PRKCA: variants seen among roughly 807,000 people sequenced by gnomAD.
The protein encoded by PRKCA is protein kinase C alpha.
In PRKCA, 27 loss-of-function variants were observed where a neutral mutation model predicts 87.0. That is an observed-to-expected ratio of 0.31 (90% confidence interval 0.23 to 0.43). The LOEUF is 0.43. Ranked by LOEUF, PRKCA falls within the 20% of genes least tolerant of loss-of-function variation. PRKCA has a pLI of 1.00. For missense variants in PRKCA, 518 were observed against 852.3 expected, an observed-to-expected ratio of 0.61 and a Z score of 4.88; for synonymous variants, 329 against 311.1, an observed-to-expected ratio of 1.06 and a Z score of -0.61.
chr17:66,721,395 CAAAAAAAA>C (rs55795871), intron 8 of PRKCA, among the ~76,000 whole-genome samples: 1 of 98,258 alleles, frequency 1.0e-5, no homozygotes, highest in Non-Finnish European at 2.2e-5. Flanking sequence ...GATTCCGTCT[CAAAAAAAA>C]AAAAAAAAAA....
At chr17:66,694,264 C>T (rs1275195719) in intron 8 of PRKCA, among the ~76,000 whole-genome samples, 3 of 151,842 alleles carry the variant, frequency 2.0e-5, no homozygotes, top group Admixed American at 6.6e-5. Context: ...TGCTGGATCA[C>T]GAGGTCAAGA....
intron 2 of PRKCA, among the ~76,000 whole-genome samples, chr17:66,431,649 C>T (rs1473965521): frequency 6.6e-6 from 1 of 152,172 alleles, no homozygotes; most frequent in African/African-American, 2.4e-5. Context: ...AAAGTCCATG[C>T]TCATCAGTGA....
At chr17:66,516,300 A>C (rs1263242472) in intron 3 of PRKCA, among the ~76,000 whole-genome samples, 1 of 152,138 alleles carries the variant, frequency 6.6e-6, no homozygotes. Context: ...AAGCCATAGC[A>C]TAGAGACCCA....
intron 3 of PRKCA, among the ~76,000 whole-genome samples, chr17:66,627,105 A>G (rs1163158961): frequency 6.6e-6 from 1 of 152,206 alleles, no homozygotes; most frequent in East Asian, 1.9e-4. Flanking sequence ...ACATGTAGAA[A>G]TATTAGCATA....
chr17:66,425,116 T>C (rs1170165807), intron 2 of PRKCA, among the ~76,000 whole-genome samples: 1 of 152,198 alleles, frequency 6.6e-6, no homozygotes, highest in East Asian at 1.9e-4. Flanking sequence ...TATTTGAACA[T>C]TCAAGAAATA....
chr17:66,604,925 G>A (rs1291774038), intron 3 of PRKCA, among the ~76,000 whole-genome samples: 1 of 152,034 alleles, frequency 6.6e-6, no homozygotes, highest in African/African-American at 2.4e-5. Context: ...CATGGAGATT[G>A]TTAAACCAGG....
At chr17:66,412,402 TAA>T (rs1389213986) in intron 2 of PRKCA, among the ~76,000 whole-genome samples, 2 of 152,194 alleles carry the variant, frequency 1.3e-5, no homozygotes, top group Non-Finnish European at 2.9e-5. Context: ...CACTTTTACT[TAA>T]AAGAGCGACT....
Position 66,709,415 on chromosome 17 carries a change from A to G in PRKCA, c.918+20368A>G, listed in dbSNP as rs113279784. On this transcript the variant is annotated intron_variant, in intron 8 of 16. Coordinates refer to ENST00000413366, the MANE Select transcript of PRKCA (RefSeq NM_002737.3). ...CAACCTCCACTCCCGGGTTCAAGCA[A>G]TTCTCCTGCCTCAGCCTCCCAAGTA... 4.0e-5 allele frequency among the ~76,000 whole-genome samples: 6 copies of G among 148,862 alleles called. 1 individual carries two copies. Among genetic ancestry groups the G allele is most frequent in the African/African-American group, 1.0e-4 (4 of 40,048 alleles).
intron 2 of PRKCA, among the ~76,000 whole-genome samples, chr17:66,463,169 A>G (rs2143977005): frequency 6.6e-6 from 1 of 152,194 alleles, no homozygotes; most frequent in Non-Finnish European, 1.5e-5. Flanking sequence ...GACAGGCAAC[A>G]TGTGCACCAG....
intron 8 of PRKCA, among the ~76,000 whole-genome samples, chr17:66,726,528 G>A (rs1233944613): frequency 6.6e-6 from 1 of 152,168 alleles, no homozygotes; most frequent in African/African-American, 2.4e-5. Context: ...CAGCAGAAGA[G>A]GGAAGGGCGG....
chr17:66,435,227 C>G (rs1826387114), intron 2 of PRKCA, among the ~76,000 whole-genome samples: 1 of 152,198 alleles, frequency 6.6e-6, no homozygotes, highest in Admixed American at 6.5e-5. Flanking sequence ...GCGTCCTGGC[C>G]CTCTCTGTCC....
chr17:66,486,503 C>G (rs560417910), intron 2 of PRKCA, among the ~76,000 whole-genome samples: 3 of 151,990 alleles, frequency 2.0e-5, no homozygotes, highest in Admixed American at 2.0e-4. Flanking sequence ...TGGTGATTGC[C>G]GGACTGTTCT....
At chr17:66,570,082 G>T (rs1376448033) in intron 3 of PRKCA, among the ~76,000 whole-genome samples, 1 of 152,120 alleles carries the variant, frequency 6.6e-6, no homozygotes, top group Non-Finnish European at 1.5e-5. Context: ...CCTGTTATGT[G>T]CAACAAAAGT....
At chr17:66,497,823 G>A (rs1263788929) in intron 3 of PRKCA, among the ~76,000 whole-genome samples, 1 of 152,198 alleles carries the variant, frequency 6.6e-6, no homozygotes, top group East Asian at 1.9e-4. Flanking sequence ...TGTGCTCTGA[G>A]GGATTCCGAT....
intron 2 of PRKCA, among the ~76,000 whole-genome samples, chr17:66,333,725 C>G (rs537703474): frequency 6.6e-6 from 1 of 152,084 alleles, no homozygotes; most frequent in Non-Finnish European, 1.5e-5. Context: ...GTGCCTGACT[C>G]CTTGGGTCCA....
intron 3 of PRKCA, among the ~76,000 whole-genome samples, chr17:66,593,997 A>G (rs1969893634): frequency 6.6e-6 from 1 of 152,364 alleles, no homozygotes; most frequent in South Asian, 2.1e-4. Flanking sequence ...AGGTAGGAGA[A>G]TCACTTGAAC....
chr17:66,426,461 G>A (rs527752993), intron 2 of PRKCA, among the ~76,000 whole-genome samples: 5 of 152,264 alleles, frequency 3.3e-5, no homozygotes, highest in South Asian at 4.1e-4. Flanking sequence ...CCAGGGAGGC[G>A]GAGTAAACAG....
intron 8 of PRKCA, among the ~76,000 whole-genome samples, chr17:66,698,734 G>A (rs1176759857): frequency 6.6e-6 from 1 of 151,438 alleles, no homozygotes; most frequent in Non-Finnish European, 1.5e-5. Flanking sequence ...GCACTTTGGG[G>A]AGACTGAGGC....
intron 3 of PRKCA, among the ~76,000 whole-genome samples, chr17:66,583,273 A>AT (rs1969498705): frequency 6.6e-6 from 1 of 151,996 alleles, no homozygotes; most frequent in African/African-American, 2.4e-5. Context: ...TCTCATGGGC[A>AT]TTTTTTTAGG....
Sources: gnomAD v4.1 joint callset for allele counts (sites outside exome capture counted in the v4.1 genomes callset) on GRCh38, gnomAD v4.1.1 for gene constraint, MANE v1.5 for transcripts, NCBI Gene and HGNC (gene_info 2026-07-23, HGNC 2026-07-21) for gene names.